The following CFAP20DC variants were observed in gnomAD, a reference collection of about 807,000 sequenced individuals.
CFAP20DC encodes protein CFAP20DC.
In CFAP20DC, 84 loss-of-function variants were observed where a neutral mutation model predicts 101.7. The observed-to-expected ratio is 0.83, with a 90% CI of 0.69 to 0.99. The LOEUF is 0.99. Among genes scored for constraint, CFAP20DC ranks in the 50% least tolerant of loss-of-function variants. The probability of loss-of-function intolerance (pLI) is 0.00; values close to 1 mark genes in which losing one functional copy is unlikely to be tolerated. For synonymous variants in CFAP20DC, 359 were observed against 351.2 expected (o/e 1.02, Z -0.25); for missense variants, 1,007 against 970.3 (o/e 1.04, Z -0.50).
chr3:58,937,381 T>C (rs114562385), intron 5 of CFAP20DC, among the ~76,000 whole-genome samples: 110 of 152,336 alleles, frequency 7.2e-4, no homozygotes, highest in African/African-American at 2.5e-3. Context: ...TCAGATGGAT[T>C]CCTTTCCCTT....
At chr3:58,808,593 C>T (rs945358079) in intron 14 of CFAP20DC, among the ~76,000 whole-genome samples, 1 of 152,152 alleles carries the variant, frequency 6.6e-6, no homozygotes, top group Non-Finnish European at 1.5e-5. Context: ...CCAACCAGTA[C>T]CAGCCACTGC....
At position 58,914,074 on chromosome 3, in the gene CFAP20DC, A is replaced by G. The variant is rs1297640991; in HGVS notation, c.394-210T>C. The stretch of plus-strand genomic sequence containing the variant: ...AAATCACCATAATTCTAAATTACAC[A>G]TTGGTCATCTGACTACAGAATTCCC... On this transcript the variant is annotated intron_variant, in intron 5 of 16. Coordinates refer to ENST00000482387, the MANE Select transcript of CFAP20DC (RefSeq NM_001394063.1). The surrounding 1 kb of genome is among the most constrained non-coding windows in gnomAD (Gnocchi z 4.9). Among the ~76,000 whole-genome samples, 1 of 152,174 alleles carries G rather than the reference A, an allele frequency of 6.6e-6. No individual in the cohort carries two copies. Among genetic ancestry groups the G allele is most frequent in the Non-Finnish European group, 1.5e-5 (1 of 68,026 alleles).
At chr3:58,819,323 A>T (rs1217325655) in intron 14 of CFAP20DC, among the ~76,000 whole-genome samples, 1 of 152,166 alleles carries the variant, frequency 6.6e-6, no homozygotes, top group African/African-American at 2.4e-5. Context: ...GAGACACAAA[A>T]AACCCTTCAA....
intron 10 of CFAP20DC, among the ~76,000 whole-genome samples, chr3:58,866,981 T>C (rs1414633425): frequency 3.3e-5 from 5 of 152,232 alleles, no homozygotes; most frequent in Admixed American, 2.6e-4. Context: ...AAGGATCTTA[T>C]ATTTTTTCCC....
At chr3:58,926,644 T>C (rs1054241156) in intron 5 of CFAP20DC, among the ~76,000 whole-genome samples, 4 of 152,218 alleles carry the variant, frequency 2.6e-5, no homozygotes, top group African/African-American at 9.6e-5. Context: ...TCATTGGCTC[T>C]ATGGGAAAAA....
At chr3:58,991,346 C>A (rs937037777) in intron 4 of CFAP20DC, among the ~76,000 whole-genome samples, 2 of 152,070 alleles carry the variant, frequency 1.3e-5, no homozygotes, top group African/African-American at 4.8e-5. Flanking sequence ...TTAATGATGT[C>A]TTCTAAAGGC....
In CFAP20DC at chr3:58,808,302, G is replaced by A. The variant is rs569541963; in HGVS notation, c.2176-1846C>T. ...TTGAAATGAAGGAAAAAATGTTAAGGGCAGCCAGAGAGAAAGGTCGGGGTA... is the reference window on the plus strand; with the variant it reads ...TTGAAATGAAGGAAAAAATGTTAAGAGCAGCCAGAGAGAAAGGTCGGGGTA... On this transcript the variant is annotated intron_variant, in intron 14 of 16. Coordinates refer to ENST00000482387, the MANE Select transcript of CFAP20DC (RefSeq NM_001394063.1). 5.3e-5 allele frequency among the ~76,000 whole-genome samples: 8 copies of A among 152,220 alleles called. No homozygotes were observed. The East Asian group carries it at 1.5e-3, about 29-fold the overall frequency.
intron 13 of CFAP20DC, among the ~76,000 whole-genome samples, chr3:58,834,778 G>T (rs1162131839): frequency 6.6e-6 from 1 of 152,070 alleles, no homozygotes; most frequent in Non-Finnish European, 1.5e-5. Context: ...TACTAGGGGG[G>T]TCTCCAAATG....
At position 58,899,416 on chromosome 3, in the gene CFAP20DC, A is replaced by G. The variant is rs1409362894; in HGVS notation, c.550+14292T>C. Reference sequence around the variant, plus strand: ...TTGCCATTAGGTCTTAATTTGTGAGACACTGTGGAAGGGGGGCCTGCAGAA... The same window carrying G: ...TTGCCATTAGGTCTTAATTTGTGAGGCACTGTGGAAGGGGGGCCTGCAGAA... On this transcript the variant is annotated intron_variant, in intron 6 of 16. Coordinates refer to ENST00000482387, the MANE Select transcript of CFAP20DC (RefSeq NM_001394063.1). This position sits in a 1 kb window ranked among gnomAD's most constrained non-coding sequence, Gnocchi z 5.0. Among the ~76,000 whole-genome samples the G allele has an allele frequency of 6.6e-6, 1 of 152,186 alleles. No individual in the cohort carries two copies. The highest frequency in any genetic ancestry group is 1.5e-5 in the Non-Finnish European group (1 of 68,038).
chr3:59,032,548 C>G (rs943605497), intron 4 of CFAP20DC, among the ~76,000 whole-genome samples: 1 of 152,106 alleles, frequency 6.6e-6, no homozygotes, highest in African/African-American at 2.4e-5. Context: ...CTTGAGTAGG[C>G]GGTTTCCCCT....
chr3:58,905,126 A>C (rs1253120221), intron 6 of CFAP20DC, among the ~76,000 whole-genome samples: 1 of 152,168 alleles, frequency 6.6e-6, no homozygotes, highest in African/African-American at 2.4e-5. Context: ...AACACAGAGC[A>C]CAGAATATTT....
At chr3:58,866,797 G>T in intron 10 of CFAP20DC, 109 bp from the exon 11 acceptor site, 11 of 644,178 alleles carry the variant, frequency 1.7e-5, no homozygotes, top group Middle Eastern at 4.6e-4. Context: ...TCATTTAAAA[G>T]CAAATTAGAG....
In CFAP20DC at chr3:58,913,849, T is replaced by C; in HGVS notation, c.409A>G (p.Ile137Val). Residue 137 changes from isoleucine (I) to valine (V), a missense_variant, in exon 6 of 17, where the codon ATT (isoleucine) becomes GTT (valine). Coordinates refer to ENST00000482387, the MANE Select transcript of CFAP20DC (RefSeq NM_001394063.1). This position sits in a 1 kb window ranked among gnomAD's most constrained non-coding sequence, Gnocchi z 4.4. ...IKRKIWCNLC[I>V]DLVAFTSEIF... ...TCACTGGTGAATGCTACTAAGTCAA[T>C]GCATAGATTGCACCACTAAAATAGA... The C allele has an allele frequency of 1.9e-6, 3 of 1,613,468 alleles. No homozygotes were observed. Among genetic ancestry groups the C allele is most frequent in the Non-Finnish European group, 2.5e-6 (3 of 1,179,698 alleles).
chr3:58,860,156 ACAGG>A (rs2079126822), intron 12 of CFAP20DC, among the ~76,000 whole-genome samples: 1 of 139,220 alleles, frequency 7.2e-6, no homozygotes, highest in Non-Finnish European at 1.5e-5. Context: ...CAGCCTGGCT[ACAGG>A]GCAAAACTCC....
intron 4 of CFAP20DC, among the ~76,000 whole-genome samples, chr3:58,976,625 C>T (rs1317383405): frequency 6.6e-6 from 1 of 152,200 alleles, no homozygotes; most frequent in African/African-American, 2.4e-5. Flanking sequence ...AACATCTTTT[C>T]ATTCAACATC....
intron 15 of CFAP20DC, among the ~76,000 whole-genome samples, chr3:58,786,425 G>A (rs1253373444): frequency 1.3e-5 from 2 of 152,072 alleles, no homozygotes; most frequent in Non-Finnish European, 2.9e-5. Flanking sequence ...TTAGCTACCT[G>A]AGGTCAATCA....
intron 15 of CFAP20DC, among the ~76,000 whole-genome samples, chr3:58,762,389 G>T (rs971554475): frequency 6.6e-6 from 1 of 152,028 alleles, no homozygotes; most frequent in Non-Finnish European, 1.5e-5. Flanking sequence ...CCATTTGCTT[G>T]GTAGATCTCC....
chr3:59,030,427 G>C (rs752414835), intron 4 of CFAP20DC, among the ~76,000 whole-genome samples: 10 of 152,206 alleles, frequency 6.6e-5, no homozygotes, highest in Admixed American at 6.5e-5. Flanking sequence ...TAGAGAGTTA[G>C]CATATTTTCT....
At chr3:58,959,343 C>G (rs1263213981) in intron 4 of CFAP20DC, among the ~76,000 whole-genome samples, 1 of 152,242 alleles carries the variant, frequency 6.6e-6, no homozygotes, top group Non-Finnish European at 1.5e-5. Flanking sequence ...ATACACCTGC[C>G]TCAGCCTCCC....
Sources: allele counts gnomAD v4.1 joint callset (sites outside exome capture counted in the v4.1 genomes callset), GRCh38; gene constraint gnomAD v4.1.1; non-coding constraint Gnocchi (gnomAD v3.1); transcripts MANE v1.5; gene names NCBI Gene and HGNC (gene_info 2026-07-23, HGNC 2026-07-21).